Variants in NSL1 observed in about 807,000 individuals in gnomAD.
The protein encoded by NSL1 is NSL1 component of MIS12 kinetochore complex.
A neutral mutation model predicts 25.4 loss-of-function variants in NSL1; 11 were observed. That is an observed-to-expected ratio of 0.43 (90% CI 0.27 to 0.72). The LOEUF (loss-of-function observed/expected upper bound fraction) is 0.72. Ranked by LOEUF, NSL1 falls within the 30% of genes least tolerant of loss-of-function variation. NSL1 has a pLI of 0.19. For missense variants in NSL1, 330 were observed against 342.7 expected (o/e 0.96, Z 0.29); for synonymous variants, 118 against 120.6 (o/e 0.98, Z 0.14).
rs1169622826 is a variant in NSL1, at chr1:212,730,246, A to C, written c.*8162T>G. On this transcript the variant is annotated 3_prime_UTR_variant, in exon 6 of 6. Coordinates refer to ENST00000366977, the MANE Select transcript of NSL1 (RefSeq NM_015471.4). The stretch of plus-strand genomic sequence containing the variant: ...GCCTGGGTGACAGTCTCAAAAAAAA[A>C]AAAAAAAAAAAAAAAAAAAGAAATG... 2 of 970,200 alleles carry C rather than the reference A, an allele frequency of 2.1e-6. No homozygotes were observed. The highest frequency in any genetic ancestry group is 3.9e-5 in the African/African-American group (2 of 50,692). 60.1% of individuals were successfully genotyped at this position (970,200 alleles called of 1,614,324 possible).
At position 212,727,628 on chromosome 1, in the gene NSL1, G is replaced by A. The variant is rs1005352034; in HGVS notation, c.*10780C>T. 2.3e-5 allele frequency: 23 copies of A among 985,068 alleles called. No homozygotes were observed. Among genetic ancestry groups the A allele is most frequent in the Middle Eastern group, 5.2e-4 (1 of 1,936 alleles). 61.0% of individuals were successfully genotyped at this position (985,068 alleles called of 1,614,324 possible). ...TTTTGTAACCTTCTAAAATTCACACGTCACAAATTCAGAATTTACTATAAT... is the reference window on the plus strand; with the variant it reads ...TTTTGTAACCTTCTAAAATTCACACATCACAAATTCAGAATTTACTATAAT... On this transcript the variant is annotated 3_prime_UTR_variant, in exon 6 of 6. Transcript: ENST00000366977.
chr1:212,733,129 G>T lies in NSL1; in HGVS notation c.*5279C>A, dbSNP rs965375091. Among the ~76,000 whole-genome samples the T allele has an allele frequency of 6.6e-6, 1 of 152,104 alleles. No individual in the cohort carries two copies. Among genetic ancestry groups the T allele is most frequent in the Non-Finnish European group, 1.5e-5 (1 of 68,028 alleles). On this transcript the variant is annotated 3_prime_UTR_variant, in exon 6 of 6. Coordinates refer to ENST00000366977, the MANE Select transcript of NSL1 (RefSeq NM_015471.4). Reference sequence around the variant, plus strand: ...GAATCACCATAATCAAATTTAGAGGGTTTTCATCACCCTCAAAAGACATCC... The same window carrying T: ...GAATCACCATAATCAAATTTAGAGGTTTTTCATCACCCTCAAAAGACATCC...
chr1:212,753,055 A>C (rs971665357), intron 4 of NSL1, among the ~76,000 whole-genome samples: 1 of 152,240 alleles, frequency 6.6e-6, no homozygotes, highest in Non-Finnish European at 1.5e-5. Context: ...TCCCTGGTGA[A>C]AATGAAACCA....
rs1657910872 is a variant in NSL1 at position 212,729,300 on chromosome 1, T to C, written c.*9108A>G. On this transcript the variant is annotated 3_prime_UTR_variant, in exon 6 of 6. Transcript: ENST00000366977. ...CTTTTCCCTCTAATGGATCCCTAGA[T>C]GCTACTGATGGCTCCCCTAACTGAC... The C allele has an allele frequency of 4.1e-6, 4 of 985,276 alleles. No homozygotes were observed. Among genetic ancestry groups the C allele is most frequent in the Non-Finnish European group, 4.8e-6 (4 of 829,776 alleles). The allele number at this position is 985,276 out of a possible 1,614,324, so 61.0% of individuals were successfully genotyped here. A position where few individuals can be genotyped will look rare whatever the true frequency, so the allele number is the denominator to read the frequency against.
chr1:212,729,398 TTAGA>T lies in NSL1; in HGVS notation c.*9006_*9009del. ...ATCCACACAGCTCTTAGCACAGTAT[TTAGA>T]TTCATCGAGTATGTGTGTAATAAAA... On this transcript the variant is annotated 3_prime_UTR_variant, in exon 6 of 6. Transcript: ENST00000366977. The T allele has an allele frequency of 6.1e-6, 6 of 983,566 alleles. No homozygotes were observed. The highest frequency in any genetic ancestry group is 7.2e-6 in the Non-Finnish European group (6 of 828,252). 60.9% of individuals were successfully genotyped at this position (983,566 alleles called of 1,614,324 possible).
At chr1:212,772,311 C>A (rs1418548120) in intron 4 of NSL1, among the ~76,000 whole-genome samples, 3 of 152,068 alleles carry the variant, frequency 2.0e-5, no homozygotes, top group Non-Finnish European at 4.4e-5. Flanking sequence ...AAGCAATCTA[C>A]GAATACAATG....
chr1:212,784,363 C>T lies in NSL1; in HGVS notation c.444G>A (p.Leu148=). Residue 148 remains leucine, a splice_region_variant and synonymous_variant, in exon 3 of 6, where the codon CTG becomes CTA. Coordinates refer to ENST00000366977, the MANE Select transcript of NSL1 (RefSeq NM_015471.4). ...ACATTTTAAAGGCAAATCATCTTACCAGAATTTCTTGTTTTGCTTTTATGG... is the reference window on the plus strand; with the variant it reads ...ACATTTTAAAGGCAAATCATCTTACTAGAATTTCTTGTTTTGCTTTTATGG... ...IKTIKAKQEI[L]KQYHPVVHPL... 3 of 1,559,148 alleles carry T rather than the reference C, an allele frequency of 1.9e-6. No homozygotes were observed. Among genetic ancestry groups the T allele is most frequent in the African/African-American group, 1.4e-5 (1 of 73,338 alleles).
chr1:212,754,292 A>C (rs1273965820), intron 4 of NSL1, among the ~76,000 whole-genome samples: 1 of 152,208 alleles, frequency 6.6e-6, no homozygotes, highest in Non-Finnish European at 1.5e-5. Flanking sequence ...AAAAAGGAGA[A>C]GAGAAAAAGC....
At chr1:212,763,823 C>A (rs55840547) in intron 4 of NSL1, among the ~76,000 whole-genome samples, 3 of 152,132 alleles carry the variant, frequency 2.0e-5, no homozygotes, top group African/African-American at 4.8e-5. Flanking sequence ...GGCAACAACA[C>A]AATAATAGTG....
chr1:212,736,317 G>A lies in NSL1; in HGVS notation c.*2091C>T, dbSNP rs1471437210. The A allele has an allele frequency of 1.0e-5, 10 of 983,210 alleles. No individual in the cohort carries two copies. Among genetic ancestry groups the A allele is most frequent in the East Asian group, 1.1e-4 (1 of 8,828 alleles). The allele number at this position is 983,210 out of a possible 1,614,324, so 60.9% of individuals were successfully genotyped here. On this transcript the variant is annotated 3_prime_UTR_variant, in exon 6 of 6. Coordinates refer to ENST00000366977, the MANE Select transcript of NSL1 (RefSeq NM_015471.4). ...GGGATTACAGGCATGAGCCCACCGCGCCTGGCTATTTCTTTTCTGAAAGAT... is the reference window on the plus strand; with the variant it reads ...GGGATTACAGGCATGAGCCCACCGCACCTGGCTATTTCTTTTCTGAAAGAT...
In NSL1 at chr1:212,727,119, AG is replaced by A; in HGVS notation, c.*11288del. 1 of 1,565,620 alleles carries A rather than the reference AG, an allele frequency of 6.4e-7. No homozygotes were observed. The highest frequency in any genetic ancestry group is 1.2e-5 in the South Asian group (1 of 84,892). On this transcript the variant is annotated 3_prime_UTR_variant, in exon 6 of 6. Coordinates refer to ENST00000366977, the MANE Select transcript of NSL1 (RefSeq NM_015471.4). ...AGTTCACCAGAGGCAGAAGGGATGAAGGTTCCCCGATCCCCTTCTCTCCTAA... is the reference window on the plus strand; with the variant it reads ...AGTTCACCAGAGGCAGAAGGGATGAAGTTCCCCGATCCCCTTCTCTCCTAA...
chr1:212,746,097 C>T (rs755349926), intron 4 of NSL1, among the ~76,000 whole-genome samples: 7 of 152,222 alleles, frequency 4.6e-5, no homozygotes, highest in South Asian at 4.1e-4. Flanking sequence ...TGAAGCCACA[C>T]GAACAAATAA....
intron 4 of NSL1, among the ~76,000 whole-genome samples, chr1:212,771,627 A>C (rs953900941): frequency 2.4e-4 from 37 of 151,604 alleles, no homozygotes; most frequent in Non-Finnish European, 4.7e-4. Flanking sequence ...AAAAAAAAAA[A>C]AAAAACCTTA....
intron 4 of NSL1, among the ~76,000 whole-genome samples, chr1:212,747,792 G>T (rs1658874204): frequency 6.6e-6 from 1 of 151,942 alleles, no homozygotes; most frequent in South Asian, 2.1e-4. Context: ...TTGACACAGG[G>T]TCTCACTCTG....
chr1:212,762,322 AAAAAG>A (rs1295909173), intron 4 of NSL1, among the ~76,000 whole-genome samples: 2 of 150,200 alleles, frequency 1.3e-5, no homozygotes, highest in Non-Finnish European at 2.9e-5. Context: ...AAAAAAAAAA[AAAAAG>A]AAAAGAAGTT....
At chr1:212,783,061 C>T (rs1660796367) in intron 3 of NSL1, among the ~76,000 whole-genome samples, 1 of 152,112 alleles carries the variant, frequency 6.6e-6, no homozygotes, top group Non-Finnish European at 1.5e-5. Flanking sequence ...AATTGCAGCA[C>T]TTTGGGAGGC....
In NSL1 at chr1:212,727,650, T is replaced by C. The variant is rs1657842644; in HGVS notation, c.*10758A>G. ...CACGTCACAAATTCAGAATTTACTA[T>C]AATTATAATCCTGAACAATCAGGAC... is the stretch of plus-strand genomic sequence containing the variant. On this transcript the variant is annotated 3_prime_UTR_variant, in exon 6 of 6. Coordinates refer to ENST00000366977, the MANE Select transcript of NSL1 (RefSeq NM_015471.4). 3.0e-6 allele frequency: 3 copies of C among 985,262 alleles called. No homozygotes were observed. The highest frequency in any genetic ancestry group is 1.7e-5 in the African/African-American group (1 of 57,248). 61.0% of individuals were successfully genotyped at this position (985,262 alleles called of 1,614,324 possible). A position where few individuals can be genotyped will look rare whatever the true frequency, so the allele number is the denominator to read the frequency against.
chr1:212,782,198 G>T (rs1660761187), intron 4 of NSL1, 174 bp downstream of exon 4: 2 of 696,878 alleles, frequency 2.9e-6, no homozygotes, highest in African/African-American at 3.5e-5. Context: ...GAGTCAATGG[G>T]TGTAAAGCTA....
intron 4 of NSL1, among the ~76,000 whole-genome samples, chr1:212,761,186 T>A (rs1363765937): frequency 6.6e-6 from 1 of 152,100 alleles, no homozygotes; most frequent in Non-Finnish European, 1.5e-5. Context: ...ATAAGAAACA[T>A]GAAAAAGCAA....
Sources: allele counts gnomAD v4.1 joint callset (sites outside exome capture counted in the v4.1 genomes callset), GRCh38; gene constraint gnomAD v4.1.1; transcripts MANE v1.5; gene names NCBI Gene and HGNC (gene_info 2026-07-23, HGNC 2026-07-21).